LHFPL3: variants seen among roughly 807,000 people sequenced by gnomAD.
The protein encoded by LHFPL3 is LHFPL tetraspan subfamily member 3.
A neutral mutation model predicts 19.3 loss-of-function variants in LHFPL3; 5 were observed. That is an observed-to-expected ratio of 0.26 (90% CI 0.14 to 0.54). The LOEUF (loss-of-function observed/expected upper bound fraction) is 0.54, where lower values mean the gene tolerates loss of function less well. Ranked by LOEUF, LHFPL3 falls within the 20% of genes least tolerant of loss-of-function variation. The pLI, the probability that LHFPL3 is intolerant of heterozygous loss-of-function variation, is 0.94. For missense variants in LHFPL3, 249 were observed against 307.4 expected, an observed-to-expected ratio of 0.81 and a Z score of 1.42; for synonymous variants, 133 against 126.2, an observed-to-expected ratio of 1.05 and a Z score of -0.36.
chr7:104,564,320 A>G (rs1025365050), intron 1 of LHFPL3, among the ~76,000 whole-genome samples: 3 of 152,320 alleles, frequency 2.0e-5, no homozygotes, highest in South Asian at 2.1e-4. Flanking sequence ...TTCTTGATAT[A>G]GTAATACACT....
At chr7:104,428,900 A>G (rs1333844426) in intron 1 of LHFPL3, among the ~76,000 whole-genome samples, 1 of 152,132 alleles carries the variant, frequency 6.6e-6, no homozygotes, top group Non-Finnish European at 1.5e-5. Context: ...TTACGTACAC[A>G]TACTAGCCTC....
At chr7:104,889,517 G>A (rs1334031048) in intron 2 of LHFPL3, among the ~76,000 whole-genome samples, 1 of 152,192 alleles carries the variant, frequency 6.6e-6, no homozygotes, top group African/African-American at 2.4e-5. Context: ...TCACAAGCCT[G>A]TAGTCCTGGC....
At chr7:104,640,049 G>A (rs1286862612) in intron 1 of LHFPL3, among the ~76,000 whole-genome samples, 1 of 152,118 alleles carries the variant, frequency 6.6e-6, no homozygotes, top group Non-Finnish European at 1.5e-5. Flanking sequence ...TGAAAACTCT[G>A]CCATTCATAA....
intron 2 of LHFPL3, among the ~76,000 whole-genome samples, chr7:104,814,524 A>G (rs904238540): frequency 6.6e-6 from 1 of 152,052 alleles, no homozygotes; most frequent in African/African-American, 2.4e-5. Context: ...ACTCAGGTCC[A>G]CGGAACTGGC....
At position 104,638,124 on chromosome 7, in the gene LHFPL3, C is replaced by T. The variant is rs542878731; in HGVS notation, c.446-98551C>T. ...GTTTCACCCCCTGGTTAGCTGTATT[C>T]CTAGGAATTTTATATTTTTTGTGGC... On this transcript the variant is annotated intron_variant, in intron 1 of 2. Transcript: ENST00000424859. Among the ~76,000 whole-genome samples the T allele has an allele frequency of 3.5e-3, 526 of 152,118 alleles. 3 individuals are homozygous for T. The highest frequency in any genetic ancestry group is 4.1e-3 in the Non-Finnish European group (279 of 67,976).
intron 1 of LHFPL3, among the ~76,000 whole-genome samples, chr7:104,608,066 A>G (rs903090503): frequency 3.3e-5 from 5 of 152,160 alleles, no homozygotes; most frequent in African/African-American, 9.6e-5. Context: ...AACTAGTTCA[A>G]CCATTGTGGA....
chr7:104,463,819 T>G (rs1350944953), intron 1 of LHFPL3, among the ~76,000 whole-genome samples: 1 of 152,224 alleles, frequency 6.6e-6, no homozygotes, highest in Non-Finnish European at 1.5e-5. Context: ...CAATTCAAGA[T>G]AAGATTTGAG....
intron 1 of LHFPL3, among the ~76,000 whole-genome samples, chr7:104,637,930 G>T (rs2115878421): frequency 6.7e-6 from 1 of 148,666 alleles, no homozygotes; most frequent in Admixed American, 6.8e-5. Flanking sequence ...CGTGAAGAAT[G>T]TCATTGGTAG....
At chr7:104,834,335 GAA>G (rs893726157) in intron 2 of LHFPL3, among the ~76,000 whole-genome samples, 1 of 146,292 alleles carries the variant, frequency 6.8e-6, no homozygotes, top group South Asian at 2.2e-4. Context: ...AAAATAAAAA[GAA>G]AAAAAAAAGG....
intron 1 of LHFPL3, among the ~76,000 whole-genome samples, chr7:104,352,481 G>T (rs906675040): frequency 6.6e-6 from 1 of 151,904 alleles, no homozygotes; most frequent in African/African-American, 2.4e-5. Flanking sequence ...ATGCCTCAAG[G>T]CATCCAATCT....
intron 2 of LHFPL3, among the ~76,000 whole-genome samples, chr7:104,842,184 TA>T (rs11429366): frequency 2.3e-4 from 33 of 141,508 alleles, no homozygotes; most frequent in East Asian, 1.9e-3. Flanking sequence ...CACAATCCTT[TA>T]AAAAAAAAAA....
At chr7:104,454,226 G>C (rs982304990) in intron 1 of LHFPL3, among the ~76,000 whole-genome samples, 1 of 152,154 alleles carries the variant, frequency 6.6e-6, no homozygotes, top group South Asian at 2.1e-4. Context: ...ACTAGAATTG[G>C]TGTTATGTGT....
At chr7:104,618,567 T>C (rs1791389238) in intron 1 of LHFPL3, among the ~76,000 whole-genome samples, 1 of 151,798 alleles carries the variant, frequency 6.6e-6, no homozygotes, top group Non-Finnish European at 1.5e-5. Context: ...CGTTATACAT[T>C]GTTTGATCAT....
At chr7:104,544,798 C>A (rs1342692800) in intron 1 of LHFPL3, among the ~76,000 whole-genome samples, 1 of 152,080 alleles carries the variant, frequency 6.6e-6, no homozygotes, top group Non-Finnish European at 1.5e-5. Flanking sequence ...TAGAATTCTT[C>A]AAAATCACAA....
At chr7:104,520,308 TG>T (rs1306650890) in intron 1 of LHFPL3, among the ~76,000 whole-genome samples, 1 of 149,342 alleles carries the variant, frequency 6.7e-6, no homozygotes, top group Non-Finnish European at 1.5e-5. Flanking sequence ...CACTTGATCA[TG>T]GTGGATAAGC....
At chr7:104,662,172 C>A (rs1364171601) in intron 1 of LHFPL3, among the ~76,000 whole-genome samples, 1 of 152,046 alleles carries the variant, frequency 6.6e-6, no homozygotes, top group African/African-American at 2.4e-5. Flanking sequence ...GTAACTAAAA[C>A]CATGGAAAGG....
At chr7:104,830,122 A>ATGTC (rs1479857903) in intron 2 of LHFPL3, among the ~76,000 whole-genome samples, 1 of 151,834 alleles carries the variant, frequency 6.6e-6, no homozygotes, top group African/African-American at 2.4e-5. Context: ...GGCTGCATAA[A>ATGTC]TGTCTTCTTT....
rs547721377 is a variant in LHFPL3, at chr7:104,442,500, A to C, written c.445+113276A>C. 5.9e-5 allele frequency among the ~76,000 whole-genome samples: 9 copies of C among 152,320 alleles called. No homozygotes were observed. The South Asian group carries it at 1.7e-3, about 28-fold the overall frequency. On this transcript the variant is annotated intron_variant, in intron 1 of 2. Transcript: ENST00000424859. Reference sequence around the variant, plus strand: ...AAAAAGTATCCAAAATCTAGAAGAAAATATGTTTAACTCAGTACATTGCTA... The same window carrying C: ...AAAAAGTATCCAAAATCTAGAAGAACATATGTTTAACTCAGTACATTGCTA...
chr7:104,546,769 G>A (rs1392319765), intron 1 of LHFPL3, among the ~76,000 whole-genome samples: 2 of 152,174 alleles, frequency 1.3e-5, no homozygotes, highest in East Asian at 3.9e-4. Context: ...GACCTGGGTT[G>A]AAATCCTGGA....
Sources: gnomAD v4.1 joint callset for allele counts (sites outside exome capture counted in the v4.1 genomes callset) on GRCh38, gnomAD v4.1.1 for gene constraint, MANE v1.5 for transcripts, NCBI Gene and HGNC (gene_info 2026-07-23, HGNC 2026-07-21) for gene names.